Variants in PPL observed in about 807,000 individuals in gnomAD.
PPL encodes the protein periplakin, also known as 190 kDa paraneoplastic pemphigus antigen.
A neutral mutation model predicts 194.4 loss-of-function variants in PPL; 198 were observed. The ratio of observed to expected loss-of-function variants is 1.02; its 90% confidence interval spans 0.91 to 1.15. The LOEUF (loss-of-function observed/expected upper bound fraction) is 1.15, where lower values mean the gene tolerates loss of function less well. Among genes scored for constraint, PPL ranks in the 50% most tolerant of loss-of-function variants. The pLI is 0.00. For synonymous variants in PPL, 1,220 were observed against 972.4 expected (o/e 1.25, Z -4.74); for missense variants, 2,885 against 2,294.8 (o/e 1.26, Z -5.25).
chr16:4,892,751 G>T (rs1271967077), intron 14 of PPL: 1 of 165,018 alleles, frequency 6.1e-6, no homozygotes, highest in Non-Finnish European at 1.3e-5. Flanking sequence ...GAGGATGTGG[G>T]AGACTTTGTA....
chr16:4,935,702 G>C (rs2089288578), intron 1 of PPL, among the ~76,000 whole-genome samples: 1 of 152,220 alleles, frequency 6.6e-6, no homozygotes, highest in Non-Finnish European at 1.5e-5. Context: ...CCCCGGAATG[G>C]AGTGTCGCAC....
rs371439748 is a variant in PPL at position 4,889,316 on chromosome 16, G to A, written c.2314-255C>T. ...ATCGCCCAGGCTGGAGTACAGTGGC[G>A]CGATCTCAGCTCACTGCAGCCTTAG... On this transcript the variant is annotated intron_variant, in intron 18 of 21. Coordinates refer to ENST00000345988, the MANE Select transcript of PPL (RefSeq NM_002705.5). Among the ~76,000 whole-genome samples, 40 of 131,840 alleles carry A rather than the reference G, an allele frequency of 3.0e-4. No homozygotes were observed. The South Asian group carries it at 9.8e-3, about 32-fold the overall frequency. The allele number at this position is 131,840 out of a possible 152,430, so 86.5% of individuals were successfully genotyped here.
chr16:4,885,675 C>T lies in PPL; in HGVS notation c.2980G>A (p.Val994Ile), dbSNP rs547387853. ...GGCTCGATGCGCAGGACCTCCTTGA[C>T]CACGTACTCCTGCCCCCCGTCTCTG... ...ETRDGGQEYV[V>I]KEVLRIEPDR... Residue 994 changes from valine to isoleucine, a missense_variant, in exon 22 of 22, where the codon GTC becomes ATC. Physicochemically the swap from Val to Ile is conservative, Grantham distance 29 (BLOSUM62 3). Coordinates refer to ENST00000345988, the MANE Select transcript of PPL (RefSeq NM_002705.5). This position sits in a 1 kb window ranked among gnomAD's most constrained non-coding sequence, Gnocchi z 6.3. 3.1e-6 allele frequency: 5 copies of T among 1,613,622 alleles called. No individual in the cohort carries two copies. In the South Asian group the frequency reaches 3.3e-5, roughly 11 times the overall value.
chr16:4,903,884 A>G lies in PPL; in HGVS notation c.317+2T>C, dbSNP rs1422056020. The G allele has an allele frequency of 1.2e-6, 2 of 1,613,684 alleles. No homozygotes were observed. Among genetic ancestry groups the G allele is most frequent in the Non-Finnish European group, 1.7e-6 (2 of 1,179,978 alleles). ...CTGGGGTAAGAAGCAGAAGGGACCTACTCCTCGGCGATCATGTCCCCCTGT... is the reference window on the plus strand; with the variant it reads ...CTGGGGTAAGAAGCAGAAGGGACCTGCTCCTCGGCGATCATGTCCCCCTGT... On this transcript the variant is annotated splice_donor_variant, in intron 3 of 21. Transcript: ENST00000345988. LOFTEE classifies it high-confidence loss of function.
At chr16:4,890,612 G>A (rs1036859360) in intron 17 of PPL, 116 bp downstream of exon 17, 43 of 1,281,024 alleles carry the variant, frequency 3.4e-5, no homozygotes, top group South Asian at 6.2e-5. Context: ...AGAATCTGAC[G>A]AACTCACCAA....
chr16:4,925,356 G>A (rs769379026), intron 1 of PPL, among the ~76,000 whole-genome samples: 15 of 152,156 alleles, frequency 9.9e-5, no homozygotes, highest in Non-Finnish European at 7.3e-5. Context: ...GGCAACCACC[G>A]TGGACACTCA....
intron 1 of PPL, among the ~76,000 whole-genome samples, chr16:4,919,812 C>T (rs566400531): frequency 1.3e-5 from 2 of 152,076 alleles, no homozygotes; most frequent in Non-Finnish European, 2.9e-5. Flanking sequence ...ACCTGTAGTC[C>T]CAGTTCCTTG....
Position 4,900,851 on chromosome 16 carries a change from C to A in PPL, c.585G>T (p.Arg195=), listed in dbSNP as rs769771687. Residue 195 remains arginine, a synonymous_variant, in exon 6 of 22, where the codon CGG becomes CGT. Coordinates refer to ENST00000345988, the MANE Select transcript of PPL (RefSeq NM_002705.5). The part of the protein sequence containing the change: ...DGDKEQNSEL[R]AKYQKLLAAS... ...TCACCAGCAGTTTCTGGTACTTGGC[C>A]CGGAGTTCGCTGTTCTGCTCCTGAG... The A allele has an allele frequency of 3.0e-5, 49 of 1,614,116 alleles. 1 individual carries two copies. In the Middle Eastern group the frequency reaches 4.9e-4, roughly 16 times the overall value.
rs1234334525 is a variant in PPL, at chr16:4,884,105, T to C, written c.4550A>G (p.Gln1517Arg). Residue 1517 changes from glutamine (Q) to arginine (R), a missense_variant, in exon 22 of 22, where the codon CAG (glutamine) becomes CGG (arginine). Physicochemically the swap from Gln to Arg is conservative, Grantham distance 43 (BLOSUM62 1). Transcript: ENST00000345988. The surrounding 1 kb of genome is among the most constrained non-coding windows in gnomAD (Gnocchi z 5.7). Reference sequence around the variant, plus strand: ...CTCCTCCAGGCTGCTCTTGAGCCTCTGGATCTCTTGCTCGGTGTCGCCCTT... The same window carrying C: ...CTCCTCCAGGCTGCTCTTGAGCCTCCGGATCTCTTGCTCGGTGTCGCCCTT... ...VEKGDTEQEIQRLKSSLEEES... is the reference protein window; with the variant it reads ...VEKGDTEQEIRRLKSSLEEES... The C allele has an allele frequency of 6.2e-7, 1 of 1,613,262 alleles. No individual in the cohort carries two copies. The highest frequency in any genetic ancestry group is 8.5e-7 in the Non-Finnish European group (1 of 1,179,964).
intron 8 of PPL, among the ~76,000 whole-genome samples, chr16:4,898,543 A>C (rs117130306): frequency 6.6e-6 from 1 of 152,126 alleles, no homozygotes; most frequent in Non-Finnish European, 1.5e-5. Context: ...ATGGGGAGAG[A>C]AGGCCATGTG....
intron 14 of PPL, 74 bp from the exon 15 acceptor site, chr16:4,892,287 G>A: frequency 2.0e-6 from 3 of 1,487,006 alleles, no homozygotes; most frequent in East Asian, 4.6e-5. Flanking sequence ...CCCAGGGTGA[G>A]CACAGATTCC....
intron 1 of PPL, among the ~76,000 whole-genome samples, chr16:4,916,784 C>T (rs191719490): frequency 1.2e-4 from 18 of 151,830 alleles, no homozygotes; most frequent in African/African-American, 3.9e-4. Context: ...GGATTACAGG[C>T]GTGAGCCACT....
rs1412652220 is a variant in PPL, at chr16:4,894,645, G to A, written c.1243-27C>T. On this transcript the variant is annotated intron_variant, in intron 11 of 21. Coordinates refer to ENST00000345988, the MANE Select transcript of PPL (RefSeq NM_002705.5). ...TGGCGGGGGCAGGCTGGACAGTCAGGATCCCGGCAGGGCCTGAGGGCCTGG... is the reference window on the plus strand; with the variant it reads ...TGGCGGGGGCAGGCTGGACAGTCAGAATCCCGGCAGGGCCTGAGGGCCTGG... The A allele has an allele frequency of 7.5e-6, 12 of 1,606,830 alleles. No homozygotes were observed. In the East Asian group the frequency reaches 2.2e-4, roughly 30 times the overall value.
Position 4,883,513 on chromosome 16 carries a change from C to T in PPL, c.5142G>A (p.Lys1714=), listed in dbSNP as rs2088141399. The change falls in exon 22 of 22, where the codon AAG becomes AAA. Residue 1714 remains lysine, a synonymous_variant. Coordinates refer to ENST00000345988, the MANE Select transcript of PPL (RefSeq NM_002705.5). This position sits in a 1 kb window ranked among gnomAD's most constrained non-coding sequence, Gnocchi z 4.8. ...NGESSVIHDR[K]SGKKFSIEEA... The stretch of plus-strand genomic sequence containing the variant: ...CTTCGATGGAGAACTTCTTGCCAGA[C>T]TTCCTGTCGTGTATCACTGAGGACT... 6.2e-7 allele frequency: 1 copy of T among 1,614,240 alleles called. No individual in the cohort carries two copies. Among genetic ancestry groups the T allele is most frequent in the African/African-American group, 1.3e-5 (1 of 75,066 alleles).
At chr16:4,935,766 C>G (rs1027553891) in intron 1 of PPL, among the ~76,000 whole-genome samples, 2 of 152,192 alleles carry the variant, frequency 1.3e-5, no homozygotes, top group African/African-American at 4.8e-5. Context: ...CGGCCTAGGC[C>G]GGACTGCAGG....
rs572526265 is a variant in PPL, at chr16:4,882,789, A to G, written c.*595T>C. The G allele has an allele frequency of 7.2e-5, 11 of 153,482 alleles. No homozygotes were observed. Among genetic ancestry groups the G allele is most frequent in the African/African-American group, 2.4e-4 (10 of 41,590 alleles). The allele number at this position is 153,482 out of a possible 1,614,324, so 9.5% of individuals were successfully genotyped here. ...TGCCGGGACAGTCTGGTGGCTGACA[A>G]TTAACGTCCACTCCAGCACCGAGGG... On this transcript the variant is annotated 3_prime_UTR_variant, in exon 22 of 22. Coordinates refer to ENST00000345988, the MANE Select transcript of PPL (RefSeq NM_002705.5).
At chr16:4,912,320 G>T (rs534194814) in intron 1 of PPL, among the ~76,000 whole-genome samples, 1 of 152,194 alleles carries the variant, frequency 6.6e-6, no homozygotes, top group Non-Finnish European at 1.5e-5. Flanking sequence ...GGCCTTTTGC[G>T]TCTGCCTTCT....
chr16:4,937,134 C>G lies in PPL; in HGVS notation c.-89G>C. ...GAGCGCAGGTGAGCGAGCGGCGGCG[C>G]GGGGAGCCCGGACTGCGGCGCGGCA... On this transcript the variant is annotated 5_prime_UTR_variant, in exon 1 of 22. Coordinates refer to ENST00000345988, the MANE Select transcript of PPL (RefSeq NM_002705.5). The G allele has an allele frequency of 1.1e-6, 1 of 915,448 alleles. No individual in the cohort carries two copies. Among genetic ancestry groups the G allele is most frequent in the Non-Finnish European group, 1.3e-6 (1 of 751,894 alleles). 56.7% of individuals were successfully genotyped at this position (915,448 alleles called of 1,614,324 possible). A position where few individuals can be genotyped will look rare whatever the true frequency, so the allele number is the denominator to read the frequency against.
chr16:4,891,630 C>A, intron 16 of PPL, 181 bp downstream of exon 16: 3 of 701,720 alleles, frequency 4.3e-6, no homozygotes, highest in Non-Finnish European at 6.8e-6. Flanking sequence ...GTAAGTCACA[C>A]AGATCCCGTG....
Sources: gnomAD v4.1 joint callset for allele counts (sites outside exome capture counted in the v4.1 genomes callset) on GRCh38, gnomAD v4.1.1 for gene constraint, Gnocchi (gnomAD v3.1) non-coding constraint, MANE v1.5 for transcripts, NCBI Gene and HGNC (gene_info 2026-07-23, HGNC 2026-07-21) for gene names.